Variants in NHSL2 observed in about 807,000 individuals in gnomAD.
NHSL2 encodes NHS-like protein 2.
Under a neutral mutation model 53.4 loss-of-function variants are expected in NHSL2, and 27 were observed. That is an observed-to-expected ratio of 0.51 (90% CI 0.37 to 0.70). The LOEUF is 0.70. Ranked by LOEUF, NHSL2 falls within the 30% of genes least tolerant of loss-of-function variation. The probability of loss-of-function intolerance (pLI) is 0.00; values close to 1 mark genes in which losing one functional copy is unlikely to be tolerated. For missense variants in NHSL2, 892 were observed against 980.1 expected, an observed-to-expected ratio of 0.91 and a Z score of 1.20; for synonymous variants, 408 against 404.1, an observed-to-expected ratio of 1.01 and a Z score of -0.12.
chrX:72,130,994 C>G, intron 1 of NHSL2: 1 of 1,211,171 alleles, frequency 8.3e-7, no homozygotes, highest in Non-Finnish European at 1.1e-6. Flanking sequence ...TCGGCGCCCC[C>G]GGGGAAATGA....
chrX:72,122,737 C>A (rs1252970542), intron 1 of NHSL2, among the ~76,000 whole-genome samples: 1 of 111,326 alleles, frequency 9.0e-6, no homozygotes, highest in Non-Finnish European at 1.9e-5. Flanking sequence ...TGGGAAGGAG[C>A]AACTCTGCAA....
At chrX:72,044,686 G>A (rs768127003) in intron 1 of NHSL2, 29 of 1,147,226 alleles carry the variant, frequency 2.5e-5, no homozygotes, top group South Asian at 1.3e-4. Context: ...AGTGGAGGCC[G>A]CAGCAGTCAG....
In NHSL2 at chrX:72,140,333, C is replaced by G; in HGVS notation, c.2785C>G (p.Pro929Ala). Residue 929 changes from proline to alanine, a missense_variant, in exon 6 of 8, where the codon CCC becomes GCC. Physicochemically the swap from Pro to Ala is conservative, Grantham distance 27. Coordinates refer to ENST00000633930, the MANE Select transcript of NHSL2 (RefSeq NM_001013627.3). ...CTACACGGTAGTGCGGAAACCAAAG[C>G]CCTCCAGCTTCCCAGATGGCAGAAG... is the stretch of plus-strand genomic sequence containing the variant. ...DSYTVVRKPK[P>A]SSFPDGRSPG... The G allele has an allele frequency of 8.3e-7, 1 of 1,211,111 alleles. No homozygotes were observed.
chrX:72,049,468 C>G (rs149289728), intron 1 of NHSL2, among the ~76,000 whole-genome samples: 3 of 110,848 alleles, frequency 2.7e-5, no homozygotes, highest in African/African-American at 6.6e-5. Context: ...GGAGGAGGCA[C>G]CTTATGAATT....
At chrX:72,044,406 C>T (rs1165638910) in intron 1 of NHSL2, 1 of 421,005 alleles carries the variant, frequency 2.4e-6, no homozygotes, top group Non-Finnish European at 4.1e-6. Context: ...GAACTTACAA[C>T]CACTTCAGCA....
intron 1 of NHSL2, among the ~76,000 whole-genome samples, chrX:72,053,782 C>T (rs1602334405): frequency 9.0e-6 from 1 of 111,583 alleles, no homozygotes; most frequent in Admixed American, 9.5e-5. Context: ...GTTTGTAATA[C>T]GCTCCTCATT....
Position 72,134,672 on chromosome X carries a change from C to A in NHSL2, c.728C>A (p.Thr243Lys). The change falls in exon 4 of 8, where the codon ACG becomes AAG. Residue 243 changes from threonine to lysine, a missense_variant. Transcript: ENST00000633930. ...AAGCGGTGGCCTCAGCTTTGCTCCACGCAGTCTGACATTGTGCCCATCAAC... is the reference window on the plus strand; with the variant it reads ...AAGCGGTGGCCTCAGCTTTGCTCCAAGCAGTCTGACATTGTGCCCATCAAC... The part of the protein sequence containing the change: ...EEKRWPQLCS[T>K]QSDIVPINIS... 8.6e-7 allele frequency: 1 copy of A among 1,166,878 alleles called. No individual in the cohort carries two copies. The highest frequency in any genetic ancestry group is 1.8e-5 in the African/African-American group (1 of 56,491).
intron 1 of NHSL2, among the ~76,000 whole-genome samples, chrX:72,035,410 T>C (rs193292036): frequency 3.6e-5 from 4 of 112,230 alleles, no homozygotes; most frequent in East Asian, 5.6e-4. Flanking sequence ...ATTCTTCTTC[T>C]CTTTGATGAT....
Position 72,139,610 on chromosome X carries a change from T to C in NHSL2, c.2062T>C (p.Ser688Pro). ...SPSTSRATTPSQLSIEVEARE... is the reference protein window; with the variant it reads ...SPSTSRATTPPQLSIEVEARE... ...TTCCACCTCCAGAGCCACTACACCT[T>C]CCCAACTCTCCATTGAAGTGGAGGC... Residue 688 changes from serine to proline, a missense_variant, in exon 6 of 8, where the codon TCC becomes CCC. Physicochemically the swap from Ser to Pro is moderately conservative, Grantham distance 74. Transcript: ENST00000633930. 8.3e-7 allele frequency: 1 copy of C among 1,209,965 alleles called. No individual in the cohort carries two copies. Among genetic ancestry groups the C allele is most frequent in the Non-Finnish European group, 1.1e-6 (1 of 894,536 alleles).
chrX:71,980,569 GGTGTGT>G (rs60984696), intron 1 of NHSL2, among the ~76,000 whole-genome samples: 2 of 2,010 alleles, frequency 1.0e-3, no homozygotes, highest in African/African-American at 4.1e-3. Context: ...GGGTGTGTGG[GGTGTGT>G]GTGTGTGTGT....
chrX:72,017,678 G>A (rs1490509326), intron 1 of NHSL2, among the ~76,000 whole-genome samples: 1 of 112,290 alleles, frequency 8.9e-6, no homozygotes, highest in African/African-American at 3.2e-5. Flanking sequence ...CCCCTACAAG[G>A]TCATGGTCCT....
intron 1 of NHSL2, among the ~76,000 whole-genome samples, chrX:71,935,682 G>T (rs2041734972): frequency 8.9e-6 from 1 of 112,327 alleles, no homozygotes; most frequent in Admixed American, 9.4e-5. Flanking sequence ...TCAGATGCTG[G>T]TTGCCAAACT....
rs1441191613 is a variant in NHSL2, at chrX:71,911,141, G to A, written c.54G>A (p.Pro18=). The A allele has an allele frequency of 1.8e-5, 20 of 1,116,468 alleles. No individual in the cohort carries two copies. 92.0% of individuals were successfully genotyped at this position (1,116,468 alleles called of 1,213,427 possible). A position where few individuals can be genotyped will look rare whatever the true frequency, so the allele number is the denominator to read the frequency against. Residue 18 remains proline (P), a synonymous_variant, in exon 1 of 8, where the codon CCG becomes CCA. Transcript: ENST00000633930. ...VVPQRLCPRN[P]PQQLAELRDV... ...CCCAGCGCCTGTGCCCGCGCAACCCGCCGCAGCAGCTGGCGGAGCTCCGCG... is the reference window on the plus strand; with the variant it reads ...CCCAGCGCCTGTGCCCGCGCAACCCACCGCAGCAGCTGGCGGAGCTCCGCG...
chrX:72,134,813 G>A lies in NHSL2; in HGVS notation c.760+109G>A, dbSNP rs2042342539. Reference sequence around the variant, plus strand: ...GGGAAGTGAGACTTTCTTTGCTACCGGCTCACCTTGCGCTGTCACGGTCAT... The same window carrying A: ...GGGAAGTGAGACTTTCTTTGCTACCAGCTCACCTTGCGCTGTCACGGTCAT... On this transcript the variant is annotated intron_variant, in intron 4 of 7. Transcript: ENST00000633930. 6 of 587,444 alleles carry A rather than the reference G, an allele frequency of 1.0e-5. No homozygotes were observed. In the East Asian group the frequency reaches 1.8e-4, roughly 18 times the overall value. The allele number at this position is 587,444 out of a possible 1,213,427, so 48.4% of individuals were successfully genotyped here.
intron 1 of NHSL2, among the ~76,000 whole-genome samples, chrX:72,106,187 G>T (rs1442585436): frequency 9.1e-6 from 1 of 110,294 alleles, no homozygotes; most frequent in Non-Finnish European, 1.9e-5. Flanking sequence ...CTCCAGCCTG[G>T]GCGACAGCAA....
At chrX:72,086,089 G>C (rs1022884989) in intron 1 of NHSL2, among the ~76,000 whole-genome samples, 5 of 112,008 alleles carry the variant, frequency 4.5e-5, no homozygotes, top group Non-Finnish European at 9.4e-5. Context: ...CCTAGCAGAA[G>C]TCATAATGCT....
chrX:71,918,092 A>G (rs1351327303), intron 1 of NHSL2, among the ~76,000 whole-genome samples: 8 of 111,776 alleles, frequency 7.2e-5, no homozygotes, highest in Non-Finnish European at 1.1e-4. Context: ...TTGCAGGGCC[A>G]GGCCCTGGGC....
intron 1 of NHSL2, among the ~76,000 whole-genome samples, chrX:71,937,491 G>A (rs1051739492): frequency 4.6e-4 from 51 of 112,081 alleles, no homozygotes; most frequent in African/African-American, 1.3e-3. Context: ...TAATCATCAC[G>A]TTTGTAGCCA....
intron 1 of NHSL2, among the ~76,000 whole-genome samples, chrX:71,940,868 G>A (rs1344932886): frequency 9.0e-6 from 1 of 111,458 alleles, no homozygotes; most frequent in Non-Finnish European, 1.9e-5. Flanking sequence ...GGTTCATAGC[G>A]GTTCCCAGCT....
Sources: allele counts gnomAD v4.1 joint callset (sites outside exome capture counted in the v4.1 genomes callset), GRCh38; gene constraint gnomAD v4.1.1; transcripts MANE v1.5; gene names NCBI Gene and HGNC (gene_info 2026-07-23, HGNC 2026-07-21).